Variants in TBCD observed in about 807,000 individuals in gnomAD.
TBCD encodes tubulin-specific chaperone D.
A neutral mutation model predicts 169.3 loss-of-function variants in TBCD; 105 were observed. The observed-to-expected ratio is 0.62, with a 90% CI of 0.53 to 0.73. TBCD has a LOEUF of 0.73. Among genes scored for constraint, TBCD ranks in the 30% least tolerant of loss-of-function variants. The pLI is 0.00. For missense variants in TBCD, 1,444 were observed against 1,600.1 expected, an observed-to-expected ratio of 0.90 and a Z score of 1.66; for synonymous variants, 700 against 643.9, an observed-to-expected ratio of 1.09 and a Z score of -1.32.
chr17:82,940,221 G>GCACATACACACACA (rs1555672970), intron 37 of TBCD, among the ~76,000 whole-genome samples: 4 of 131,700 alleles, frequency 3.0e-5, no homozygotes, highest in Non-Finnish European at 5.2e-5. Context: ...TTGCACGCGC[G>GCACATACACACACA]CACACACACA....
intron 18 of TBCD, among the ~76,000 whole-genome samples, chr17:82,902,843 G>A (rs574977438): frequency 7.2e-5 from 11 of 152,312 alleles, no homozygotes; most frequent in African/African-American, 2.4e-4. Context: ...TCTGCGGGTC[G>A]CTCCCAGCTT....
intron 2 of TBCD, among the ~76,000 whole-genome samples, chr17:82,757,281 AAG>A (rs1328169571): frequency 6.6e-6 from 1 of 152,132 alleles, no homozygotes; most frequent in Non-Finnish European, 1.5e-5. Context: ...GTGCCTCTTA[AAG>A]AGTAGTTTGT....
chr17:82,907,188 G>A (rs1034987322), intron 20 of TBCD, among the ~76,000 whole-genome samples: 1 of 152,262 alleles, frequency 6.6e-6, no homozygotes, highest in African/African-American at 2.4e-5. Context: ...GCCTCATGAG[G>A]CAGGGCTTGG....
rs1158071173 is a variant in TBCD at position 82,920,966 on chromosome 17, G to A, written c.2101+348G>A. On this transcript the variant is annotated intron_variant, in intron 24 of 38. Coordinates refer to ENST00000355528, the MANE Select transcript of TBCD (RefSeq NM_005993.5). This position sits in a 1 kb window ranked among gnomAD's most constrained non-coding sequence, Gnocchi z 4.1. ...GTGGACCAGGAGCGTGCCGGCCGCC[G>A]ACACCACGGACCCTGTGGGCAGAGG... is the stretch of plus-strand genomic sequence containing the variant. 6.3e-6 allele frequency: 2 copies of A among 318,904 alleles called. No individual in the cohort carries two copies. The highest frequency in any genetic ancestry group is 2.2e-5 in the African/African-American group (1 of 45,452). 19.8% of individuals were successfully genotyped at this position (318,904 alleles called of 1,614,324 possible).
chr17:82,886,859 G>A (rs1438705625), intron 15 of TBCD, among the ~76,000 whole-genome samples: 2 of 151,024 alleles, frequency 1.3e-5, no homozygotes, highest in African/African-American at 2.4e-5. Context: ...TAGTAGAGAC[G>A]GGGTTTCACC....
At chr17:82,883,368 C>T (rs1331347827) in intron 14 of TBCD, among the ~76,000 whole-genome samples, 2 of 152,272 alleles carry the variant, frequency 1.3e-5, no homozygotes, top group African/African-American at 4.8e-5. Context: ...TCCACCCTGC[C>T]CCAAACCCCC....
chr17:82,895,112 C>T (rs955723733), intron 17 of TBCD, among the ~76,000 whole-genome samples: 1 of 152,232 alleles, frequency 6.6e-6, no homozygotes, highest in East Asian at 1.9e-4. Flanking sequence ...TAGCTGTGTG[C>T]GTTTTATAAA....
chr17:82,800,285 TC>T (rs2050411134), intron 8 of TBCD, among the ~76,000 whole-genome samples: 1 of 152,164 alleles, frequency 6.6e-6, no homozygotes, highest in Non-Finnish European at 1.5e-5. Context: ...TCGCAGGCTC[TC>T]CCTGTCGTGC....
intron 9 of TBCD, 23 bp from the exon 10 acceptor site, chr17:82,805,852 T>A (rs1315518018): frequency 1.3e-6 from 2 of 1,590,492 alleles, no homozygotes; most frequent in African/African-American, 2.7e-5. Context: ...AAAGCTGATC[T>A]GAGGATGCTT....
intron 34 of TBCD, chr17:82,932,944 C>A: frequency 1.7e-6 from 1 of 585,880 alleles, no homozygotes; most frequent in Non-Finnish European, 3.0e-6. Flanking sequence ...CATATTATGA[C>A]TGTAAGTGCA....
intron 2 of TBCD, among the ~76,000 whole-genome samples, chr17:82,759,593 G>C (rs1374713070): frequency 1.3e-5 from 2 of 151,978 alleles, no homozygotes; most frequent in Admixed American, 6.6e-5. Context: ...ACAGTGCTGG[G>C]ATGACAGGTG....
At chr17:82,844,205 C>CTGTGTGTGTGTGTGTGTGTG (rs2054795659) in intron 13 of TBCD, among the ~76,000 whole-genome samples, 1 of 5,794 alleles carries the variant, frequency 1.7e-4, no homozygotes, top group South Asian at 9.4e-3. Flanking sequence ...TGGATGTTCT[C>CTGTGTGTGTGTGTGTGTGTG]CGTGTGTGTG....
chr17:82,775,808 G>A (rs1244309206), intron 6 of TBCD, among the ~76,000 whole-genome samples: 1 of 151,506 alleles, frequency 6.6e-6, no homozygotes, highest in African/African-American at 2.4e-5. Flanking sequence ...GAGTTAGTGG[G>A]TGCAGCACAC....
In TBCD at chr17:82,920,037, C is replaced by T. The variant is rs954882458; in HGVS notation, c.2039-519C>T. Reference sequence around the variant, plus strand: ...GTGGGAGCTGCTGATGCTGTCCAGTCGTCTCTGTCTCGTGCGTCCTGGCCC... The same window carrying T: ...GTGGGAGCTGCTGATGCTGTCCAGTTGTCTCTGTCTCGTGCGTCCTGGCCC... On this transcript the variant is annotated intron_variant, in intron 23 of 38. Transcript: ENST00000355528. The surrounding 1 kb of genome is among the most constrained non-coding windows in gnomAD (Gnocchi z 4.1). Among the ~76,000 whole-genome samples, 1 of 152,206 alleles carries T rather than the reference C, an allele frequency of 6.6e-6. No homozygotes were observed. The highest frequency in any genetic ancestry group is 2.4e-5 in the African/African-American group (1 of 41,448).
intron 2 of TBCD, among the ~76,000 whole-genome samples, chr17:82,760,880 T>C (rs2143890595): frequency 6.6e-6 from 1 of 152,346 alleles, no homozygotes; most frequent in South Asian, 2.1e-4. Context: ...GTAGGAGGTC[T>C]TTTGGCACTG....
At chr17:82,761,341 A>G (rs1210419514) in intron 2 of TBCD, among the ~76,000 whole-genome samples, 1 of 152,202 alleles carries the variant, frequency 6.6e-6, no homozygotes, top group African/African-American at 2.4e-5. Context: ...CCACGATTAT[A>G]AATTTTTATT....
intron 23 of TBCD, among the ~76,000 whole-genome samples, chr17:82,919,137 G>A (rs1025196581): frequency 3.3e-5 from 5 of 149,538 alleles, no homozygotes; most frequent in Non-Finnish European, 7.4e-5. Flanking sequence ...TACGGGGGGG[G>A]CCCAGAGTCT....
chr17:82,818,783 C>G (rs1387270471), intron 13 of TBCD, among the ~76,000 whole-genome samples: 2 of 152,120 alleles, frequency 1.3e-5, no homozygotes, highest in Admixed American at 1.3e-4. Context: ...AAAGTGAAAA[C>G]AGGCTGGGCA....
At chr17:82,780,646 T>C (rs1489788496) in intron 6 of TBCD, among the ~76,000 whole-genome samples, 1 of 4,258 alleles carries the variant, frequency 2.3e-4, no homozygotes, top group Non-Finnish European at 4.1e-4. Flanking sequence ...AGACTTGGGC[T>C]TTTTTTTTTT....
Sources: allele counts gnomAD v4.1 joint callset (sites outside exome capture counted in the v4.1 genomes callset), GRCh38; gene constraint gnomAD v4.1.1; non-coding constraint Gnocchi (gnomAD v3.1); transcripts MANE v1.5; gene names NCBI Gene and HGNC (gene_info 2026-07-23, HGNC 2026-07-21).